SH3RF2: variants seen among roughly 807,000 people sequenced by gnomAD.
The protein encoded by SH3RF2 is SH3 domain containing ring finger 2.
Under a neutral mutation model 59.0 loss-of-function variants are expected in SH3RF2, and 43 were observed. The observed-to-expected ratio is 0.73, with a 90% CI of 0.57 to 0.94. The LOEUF is 0.94. Ranked by LOEUF, SH3RF2 falls within the 40% of genes least tolerant of loss-of-function variation. The pLI, the probability that SH3RF2 is intolerant of heterozygous loss-of-function variation, is 0.00. For synonymous variants in SH3RF2, 391 were observed against 391.5 expected (o/e 1.00, Z 0.01); for missense variants, 930 against 940.1 (o/e 0.99, Z 0.14).
intron 2 of SH3RF2, among the ~76,000 whole-genome samples, chr5:145,956,616 G>A (rs1023625567): frequency 1.3e-5 from 2 of 151,962 alleles, no homozygotes; most frequent in Non-Finnish European, 2.9e-5. Context: ...TAGGTAGAGG[G>A]GAAGAAGCAA....
chr5:146,067,572 G>A (rs1462377728), downstream of SH3RF2, among the ~76,000 whole-genome samples: 2 of 152,336 alleles, frequency 1.3e-5, no homozygotes, highest in East Asian at 1.9e-4. Context: ...TTGAAGGCGG[G>A]TTCTGGGTGT....
Position 145,938,197 on chromosome 5 carries a change from G to A in SH3RF2, c.269G>A (p.Arg90Lys). The A allele has an allele frequency of 6.2e-7, 1 of 1,613,756 alleles. No individual in the cohort carries two copies. Among genetic ancestry groups the A allele is most frequent in the Non-Finnish European group, 8.5e-7 (1 of 1,180,016 alleles). The change falls in exon 2 of 10, where the codon AGG becomes AAG. Residue 90 changes from arginine to lysine, a missense_variant. Transcript: ENST00000359120. ...QSSGRGGSFR[R>K]PGTMTLQDGR... ...TCCGGGAGAGGGGGCTCCTTCCGCAGGCCTGGCACGATGACCTTGCAGGAT... is the reference window on the plus strand; with the variant it reads ...TCCGGGAGAGGGGGCTCCTTCCGCAAGCCTGGCACGATGACCTTGCAGGAT...
chr5:146,033,288 C>T (rs923370338), intron 5 of SH3RF2, among the ~76,000 whole-genome samples: 2 of 152,042 alleles, frequency 1.3e-5, no homozygotes, highest in Non-Finnish European at 2.9e-5. Flanking sequence ...ATTACACACT[C>T]CTTAAGGGCA....
At chr5:145,998,036 A>G (rs1191311027) in intron 2 of SH3RF2, 2 of 626,162 alleles carry the variant, frequency 3.2e-6, no homozygotes, top group Non-Finnish European at 5.8e-6. Context: ...GAGAGACTAC[A>G]TAGAAAACTA....
rs535232910 is a variant in SH3RF2, at chr5:146,016,874, A to G, written c.1059+2813A>G. ...TCTTTTGCACCTGAAAAAGGCTTCC[A>G]TTTACTATCACTTTGTTTCTTTATG... On this transcript the variant is annotated intron_variant, in intron 5 of 9. Transcript: ENST00000359120. Among the ~76,000 whole-genome samples the G allele has an allele frequency of 2.0e-5, 3 of 152,204 alleles. No individual in the cohort carries two copies. In the South Asian group the frequency reaches 6.2e-4, roughly 32 times the overall value.
At chr5:146,051,284 G>A (rs369253646) in intron 7 of SH3RF2, among the ~76,000 whole-genome samples, 5 of 151,966 alleles carry the variant, frequency 3.3e-5, no homozygotes, top group East Asian at 1.9e-4. Context: ...CATAATGAAG[G>A]GTTTAGCTTT....
chr5:145,962,507 A>C (rs1461923268), intron 2 of SH3RF2, among the ~76,000 whole-genome samples: 2 of 152,198 alleles, frequency 1.3e-5, no homozygotes, highest in African/African-American at 4.8e-5. Flanking sequence ...TCCTGTCCAC[A>C]GTTATTAGTG....
rs553509058 is a variant in SH3RF2, at chr5:145,940,248, G to T, written c.378+1942G>T. Among the ~76,000 whole-genome samples, 20 of 152,306 alleles carry T rather than the reference G, an allele frequency of 1.3e-4. 1 individual carries two copies. Among genetic ancestry groups the T allele is most frequent in the African/African-American group, 4.3e-4 (18 of 41,560 alleles). On this transcript the variant is annotated intron_variant, in intron 2 of 9. Transcript: ENST00000359120. ...AGGACCTGGGCTAGAAAGATGCTCT[G>T]CAAGAGAGCAGAGCTGGCACCCCCA...
At chr5:145,945,540 AC>A (rs979094902) in intron 2 of SH3RF2, among the ~76,000 whole-genome samples, 21 of 152,188 alleles carry the variant, frequency 1.4e-4, no homozygotes, top group African/African-American at 4.6e-4. Flanking sequence ...TCCTAGAAAA[AC>A]AAAAAGATGT....
intron 3 of SH3RF2, among the ~76,000 whole-genome samples, chr5:146,003,307 G>A (rs886375726): frequency 2.6e-5 from 4 of 152,152 alleles, no homozygotes; most frequent in African/African-American, 9.7e-5. Flanking sequence ...GAACCTTCTG[G>A]GTGCTGGGAG....
At chr5:146,031,603 T>C (rs564426159) in intron 5 of SH3RF2, among the ~76,000 whole-genome samples, 1 of 152,318 alleles carries the variant, frequency 6.6e-6, no homozygotes, top group Non-Finnish European at 1.5e-5. Context: ...GTGGGTTCTC[T>C]GCAAGCCCAC....
intron 8 of SH3RF2, among the ~76,000 whole-genome samples, chr5:146,059,156 AGGAG>A (rs953993951): frequency 1.2e-4 from 19 of 152,326 alleles, no homozygotes; most frequent in African/African-American, 4.6e-4. Context: ...CAGGCTTTCC[AGGAG>A]GAGGTCTGAT....
At chr5:145,967,231 T>G (rs997470079) in intron 2 of SH3RF2, among the ~76,000 whole-genome samples, 2 of 152,144 alleles carry the variant, frequency 1.3e-5, no homozygotes, top group Admixed American at 1.3e-4. Context: ...TGTGAAGAAA[T>G]GGCTGCAAAT....
intron 5 of SH3RF2, among the ~76,000 whole-genome samples, chr5:146,037,766 A>G (rs1761989519): frequency 6.6e-6 from 1 of 152,234 alleles, no homozygotes; most frequent in African/African-American, 2.4e-5. Flanking sequence ...CAAGGAAGAG[A>G]TAATTTAACT....
chr5:145,995,512 G>C (rs1426426153), intron 2 of SH3RF2, among the ~76,000 whole-genome samples: 1 of 152,082 alleles, frequency 6.6e-6, no homozygotes, highest in African/African-American at 2.4e-5. Context: ...AAAAAAGTTA[G>C]TTGCATAGTT....
intron 9 of SH3RF2, among the ~76,000 whole-genome samples, chr5:146,070,721 T>A (rs1561776311): frequency 6.6e-6 from 1 of 152,208 alleles, no homozygotes; most frequent in Non-Finnish European, 1.5e-5. Context: ...AGCTGACATC[T>A]TCTTCCAGTG....
At chr5:146,036,567 C>T (rs188869198) in intron 5 of SH3RF2, among the ~76,000 whole-genome samples, 3 of 152,166 alleles carry the variant, frequency 2.0e-5, no homozygotes, top group Admixed American at 6.5e-5. Context: ...TGGTGACACA[C>T]GCCTGTAATC....
At chr5:145,961,114 T>C (rs1758613413) in intron 2 of SH3RF2, among the ~76,000 whole-genome samples, 1 of 151,768 alleles carries the variant, frequency 6.6e-6, no homozygotes, top group Admixed American at 6.6e-5. Flanking sequence ...AGAGGGCAAA[T>C]TGATAACGTT....
intron 2 of SH3RF2, among the ~76,000 whole-genome samples, chr5:145,975,393 G>A (rs1759250439): frequency 6.6e-6 from 1 of 152,226 alleles, no homozygotes; most frequent in Non-Finnish European, 1.5e-5. Flanking sequence ...TCTCATCTTA[G>A]AGGGGCAGCT....
Sources: gnomAD v4.1 joint callset for allele counts (sites outside exome capture counted in the v4.1 genomes callset) on GRCh38, gnomAD v4.1.1 for gene constraint, MANE v1.5 for transcripts, NCBI Gene and HGNC (gene_info 2026-07-23, HGNC 2026-07-21) for gene names.